Variants in MAGOHB observed in about 807,000 individuals in gnomAD.
MAGOHB encodes mago homolog B, exon junction complex subunit.
In MAGOHB, 15 loss-of-function variants were observed where a neutral mutation model predicts 20.9. The observed-to-expected ratio is 0.72, with a 90% CI of 0.48 to 1.11. MAGOHB has a LOEUF of 1.11. Ranked by LOEUF, MAGOHB falls within the 50% of genes least tolerant of loss-of-function variation. The pLI, the probability that MAGOHB is intolerant of heterozygous loss-of-function variation, is 0.00. For missense variants in MAGOHB, 162 were observed against 177.6 expected, an observed-to-expected ratio of 0.91 and a Z score of 0.50; for synonymous variants, 50 against 57.9, an observed-to-expected ratio of 0.86 and a Z score of 0.62.
chr12:10,600,868 G>T (rs1469846135), downstream of MAGOHB, among the ~76,000 whole-genome samples: 1 of 152,158 alleles, frequency 6.6e-6, no homozygotes. Context: ...GCACAGAACA[G>T]CAGGCGAAAT....
chr12:10,610,577 C>CAAAAAAAAAAA (rs541042923), intron 2 of MAGOHB, 45 bp downstream of exon 2: 24 of 727,954 alleles, frequency 3.3e-5, no homozygotes, highest in Non-Finnish European at 3.6e-5. Flanking sequence ...GGGCTAAATG[C>CAAAAAAAAAAA]AAAAAAAAAA....
At chr12:10,601,065 C>A (rs7297513), downstream of MAGOHB, among the ~76,000 whole-genome samples, 1 of 152,034 alleles carries the variant, frequency 6.6e-6, no homozygotes, top group Non-Finnish European at 1.5e-5. Context: ...GGATTGGCTT[C>A]GTCAATCCCA....
In MAGOHB at chr12:10,613,302, CTT is replaced by C. The variant is rs1205236586; in HGVS notation, c.94+135_94+136del. ...AATTCTCTTTCATTTATAAAACCAA[CTT>C]ATGCCTCCTCTATTCTTAAGCTCCT... On this transcript the variant is annotated intron_variant, in intron 1 of 4. Coordinates refer to ENST00000320756, the MANE Select transcript of MAGOHB (RefSeq NM_018048.5). 5.4e-6 allele frequency: 4 copies of C among 746,906 alleles called. No individual in the cohort carries two copies. The East Asian group carries it at 7.4e-5, about 14-fold the overall frequency. The allele number at this position is 746,906 out of a possible 1,614,324, so 46.3% of individuals were successfully genotyped here. A position where few individuals can be genotyped will look rare whatever the true frequency, so the allele number is the denominator to read the frequency against.
At chr12:10,610,538 T>C (rs1865707404) in intron 2 of MAGOHB, 84 bp downstream of exon 2, 3 of 1,410,734 alleles carry the variant, frequency 2.1e-6, no homozygotes, top group Non-Finnish European at 2.8e-6. Context: ...GATGTACTTT[T>C]TTAAATTCAA....
chr12:10,601,750 G>A (rs1326397064), downstream of MAGOHB, among the ~76,000 whole-genome samples: 3 of 152,142 alleles, frequency 2.0e-5, no homozygotes, highest in East Asian at 1.9e-4. Context: ...ATTTGAACAA[G>A]TCAACCAAAT....
chr12:10,610,577 CAAAAAAAAAA>C (rs541042923), intron 2 of MAGOHB, 35 bp downstream of exon 2: 13 of 727,944 alleles, frequency 1.8e-5, no homozygotes, highest in African/African-American at 3.5e-5. Context: ...GGGCTAAATG[CAAAAAAAAAA>C]AAAAAAAAAA....
chr12:10,612,183 T>C (rs1272234516), intron 1 of MAGOHB, among the ~76,000 whole-genome samples: 1 of 140,208 alleles, frequency 7.1e-6, no homozygotes, highest in Non-Finnish European at 1.5e-5. Context: ...AACCCATCTC[T>C]ACAAAAAATA....
chr12:10,610,089 A>C, intron 2 of MAGOHB, 148 bp from the exon 3 acceptor site: 2 of 556,896 alleles, frequency 3.6e-6, no homozygotes, highest in Non-Finnish European at 6.3e-6. Flanking sequence ...AGAATCACTT[A>C]TCCTTGTTAC....
At position 10,605,380 on chromosome 12, in the gene MAGOHB, T is replaced by G. The variant is rs1475428034; in HGVS notation, c.*895A>C. ...GTTCCTAGGGCAAGTGGATTATAAC[T>G]ACTGGAACAGTGCAACTTTTTAAGA... On this transcript the variant is annotated 3_prime_UTR_variant, in exon 5 of 5. Transcript: ENST00000320756. 6.6e-6 allele frequency: 1 copy of G among 152,164 alleles called. No individual in the cohort carries two copies. Among genetic ancestry groups the G allele is most frequent in the African/African-American group, 2.4e-5 (1 of 41,414 alleles). The allele number at this position is 152,164 out of a possible 1,614,324, so 9.4% of individuals were successfully genotyped here.
At chr12:10,602,294 G>A (rs893839276), downstream of MAGOHB, among the ~76,000 whole-genome samples, 1 of 152,186 alleles carries the variant, frequency 6.6e-6, no homozygotes, top group African/African-American at 2.4e-5. Context: ...TGAACCAAGT[G>A]GATCAAGTTA....
At chr12:10,603,003 T>A (rs966760714), downstream of MAGOHB, among the ~76,000 whole-genome samples, 5 of 152,194 alleles carry the variant, frequency 3.3e-5, no homozygotes, top group Non-Finnish European at 7.3e-5. Context: ...TTTTTATTTG[T>A]TCTAATGCCT....
rs1336963508 is a variant in MAGOHB at position 10,613,014 on chromosome 12, T to C, written c.94+425A>G. 5 of 1,130,128 alleles carry C rather than the reference T, an allele frequency of 4.4e-6. No individual in the cohort carries two copies. In the African/African-American group the frequency reaches 8.0e-5, roughly 18 times the overall value. The allele number at this position is 1,130,128 out of a possible 1,614,324, so 70.0% of individuals were successfully genotyped here. ...CAATTACACGTAAACACCTAAAACA[T>C]ATTATTATTCTCATTTGTTAACACG... On this transcript the variant is annotated intron_variant, in intron 1 of 4. Coordinates refer to ENST00000320756, the MANE Select transcript of MAGOHB (RefSeq NM_018048.5).
intron 1 of MAGOHB, 116 bp from the exon 2 acceptor site, chr12:10,610,796 C>T (rs2120532275): frequency 3.1e-6 from 3 of 967,102 alleles, no homozygotes; most frequent in South Asian, 2.0e-5. Flanking sequence ...TTAATATTTC[C>T]TCCCTCCTTG....
At chr12:10,612,635 T>C (rs990326874) in intron 1 of MAGOHB, 5 of 1,135,520 alleles carry the variant, frequency 4.4e-6, no homozygotes, top group South Asian at 2.0e-5. Context: ...TACTCATTAC[T>C]GTACCTTAAA....
chr12:10,606,834 G>A lies in MAGOHB; in HGVS notation c.348-460C>T, dbSNP rs141438738. On this transcript the variant is annotated intron_variant, in intron 4 of 4. Coordinates refer to ENST00000320756, the MANE Select transcript of MAGOHB (RefSeq NM_018048.5). ...AATTCTCTCCTTGTTAGACACTGGG[G>A]TTAATTTCCTATTATAAATAATACT... 8.2e-4 allele frequency among the ~76,000 whole-genome samples: 124 copies of A among 151,174 alleles called. 2 individuals carry two copies. The highest frequency in any genetic ancestry group is 2.2e-3 in the African/African-American group (92 of 41,182).
At chr12:10,610,850 T>C (rs2120532731) in intron 1 of MAGOHB, among the ~76,000 whole-genome samples, 170 bp from the exon 2 acceptor site, 1 of 152,296 alleles carries the variant, frequency 6.6e-6, no homozygotes, top group South Asian at 2.1e-4. Context: ...TGTTTGCTGG[T>C]TAAGTTTGCT....
At chr12:10,603,371 C>T (rs558299486), downstream of MAGOHB, among the ~76,000 whole-genome samples, 37 of 151,860 alleles carry the variant, frequency 2.4e-4, 1 homozygote, top group South Asian at 6.4e-3. Context: ...CCCTAATCAC[C>T]CTGTTTGTCT....
intron 1 of MAGOHB, chr12:10,613,091 C>T (rs999401105): frequency 1.8e-6 from 1 of 554,488 alleles, no homozygotes; most frequent in Non-Finnish European, 2.8e-6. Context: ...AAAAAAGGTA[C>T]TGGTCACCAC....
downstream of MAGOHB, among the ~76,000 whole-genome samples, chr12:10,600,674 T>G (rs1865545619): frequency 6.6e-6 from 1 of 152,220 alleles, no homozygotes. Flanking sequence ...ATCGAAGACT[T>G]GAAAAAATTC....
Sources: gnomAD v4.1 joint callset for allele counts (sites outside exome capture counted in the v4.1 genomes callset) on GRCh38, gnomAD v4.1.1 for gene constraint, MANE v1.5 for transcripts, NCBI Gene and HGNC (gene_info 2026-07-23, HGNC 2026-07-21) for gene names.